PTCHD4: variants seen among roughly 807,000 people sequenced by gnomAD.
PTCHD4 encodes patched domain-containing protein 4.
In PTCHD4, 33 loss-of-function variants were observed where a neutral mutation model predicts 58.1. The observed-to-expected ratio is 0.57, with a 90% CI of 0.43 to 0.76. The LOEUF is 0.76. PTCHD4 is among the 30% of genes least tolerant of loss of function. The probability of loss-of-function intolerance (pLI) is 0.00; values close to 1 mark genes in which losing one functional copy is unlikely to be tolerated. For missense variants in PTCHD4, 1,058 were observed against 1,027.1 expected, an observed-to-expected ratio of 1.03 and a Z score of -0.41; for synonymous variants, 478 against 409.6, an observed-to-expected ratio of 1.17 and a Z score of -2.02.
At chr6:47,885,795 G>A (rs1294304173) in intron 4 of PTCHD4, among the ~76,000 whole-genome samples, 1 of 152,132 alleles carries the variant, frequency 6.6e-6, no homozygotes, top group African/African-American at 2.4e-5. Flanking sequence ...CTCTGGTGAC[G>A]TAGTTAGGCC....
Position 47,877,547 on chromosome 6 carries a change from T to C in PTCHD4, c.*756A>G, listed in dbSNP as rs1282042838. ...AAAGTCTAGATGACTGCTGACATGA[T>C]ATGCATAATCTAATGAACTCACATC... On this transcript the variant is annotated 3_prime_UTR_variant, in exon 5 of 5. Transcript: ENST00000339488. 1.3e-5 allele frequency among the ~76,000 whole-genome samples: 2 copies of C among 152,086 alleles called. No individual in the cohort carries two copies. The highest frequency in any genetic ancestry group is 2.9e-5 in the Non-Finnish European group (2 of 67,978).
intron 4 of PTCHD4, among the ~76,000 whole-genome samples, chr6:47,969,672 T>C (rs543739783): frequency 6.6e-5 from 10 of 152,292 alleles, no homozygotes; most frequent in South Asian, 6.2e-4. Flanking sequence ...AAATATTCTT[T>C]TAGGGGGCTT....
rs1764662428 is a variant in PTCHD4 at position 48,062,435 on chromosome 6, G to A, written c.417+5795C>T. On this transcript the variant is annotated intron_variant, in intron 3 of 4. Coordinates refer to ENST00000339488, the MANE Select transcript of PTCHD4 (RefSeq NM_001384253.1). ...AAGATAAGTAAATGGGAAGAAGAATGGAGAGAACGCTTTCTATCCCCACCC... is the reference window on the plus strand; with the variant it reads ...AAGATAAGTAAATGGGAAGAAGAATAGAGAGAACGCTTTCTATCCCCACCC... 5.3e-5 allele frequency among the ~76,000 whole-genome samples: 8 copies of A among 152,048 alleles called. No individual in the cohort carries two copies. The South Asian group carries it at 1.2e-3, about 24-fold the overall frequency.
intron 4 of PTCHD4, among the ~76,000 whole-genome samples, chr6:47,921,187 C>T (rs1394239491): frequency 6.6e-6 from 1 of 152,162 alleles, no homozygotes; most frequent in African/African-American, 2.4e-5. Flanking sequence ...ATTATTAACT[C>T]TGACACTTTT....
At chr6:48,019,526 G>A (rs1448986979) in intron 3 of PTCHD4, among the ~76,000 whole-genome samples, 1 of 152,152 alleles carries the variant, frequency 6.6e-6, no homozygotes, top group Non-Finnish European at 1.5e-5. Context: ...TATGAAGTCA[G>A]GAGATTGAGA....
chr6:47,880,828 G>T (rs1221483702), intron 4 of PTCHD4, among the ~76,000 whole-genome samples: 1 of 152,174 alleles, frequency 6.6e-6, no homozygotes, highest in Non-Finnish European at 1.5e-5. Context: ...GAATTTCATA[G>T]CTCTTAAGAT....
intron 4 of PTCHD4, among the ~76,000 whole-genome samples, chr6:47,918,076 C>T (rs1765315254): frequency 6.6e-6 from 1 of 152,002 alleles, no homozygotes; most frequent in African/African-American, 2.4e-5. Flanking sequence ...AGACTCAACA[C>T]AGATGTTATC....
At chr6:48,047,993 T>A (rs1386680017) in intron 3 of PTCHD4, among the ~76,000 whole-genome samples, 5 of 146,818 alleles carry the variant, frequency 3.4e-5, no homozygotes, top group African/African-American at 1.3e-4. Flanking sequence ...TATTGTGTCC[T>A]TAAGATATAA....
At position 48,068,953 on chromosome 6, in the gene PTCHD4, C is replaced by T. The variant is rs1382070691; in HGVS notation, c.5G>A (p.Arg2Gln). The change falls in exon 2 of 5, where the codon CGA becomes CAA. Residue 2 changes from arginine to glutamine, a missense_variant and splice_region_variant. By Grantham distance (43) the Arg-to-Gln change is conservative (BLOSUM62 1). Coordinates refer to ENST00000339488, the MANE Select transcript of PTCHD4 (RefSeq NM_001384253.1). The surrounding 1 kb of genome is among the most constrained non-coding windows in gnomAD (Gnocchi z 4.2). MRRPGAPASWIW... is the reference protein window; with the variant it reads MQRPGAPASWIW... ...CGCCGCCTCCCGCGCTGGCTCTCACCGCATGAGCAGCGTTCCCTCGGTCTA... is the reference window on the plus strand; with the variant it reads ...CGCCGCCTCCCGCGCTGGCTCTCACTGCATGAGCAGCGTTCCCTCGGTCTA... Among the ~76,000 whole-genome samples, 6 of 151,574 alleles carry T rather than the reference C, an allele frequency of 4.0e-5. No homozygotes were observed. Among genetic ancestry groups the T allele is most frequent in the Non-Finnish European group, 8.8e-5 (6 of 67,878 alleles).
rs935482413 is a variant in PTCHD4, at chr6:47,856,712, C to T, written c.*21591G>A. ...ACTTTAATTAGAAAACCAGACTCCT[C>T]TGATTATAAAAATTACACAAGCTAA... On this transcript the variant is annotated 3_prime_UTR_variant, in exon 5 of 5. Transcript: ENST00000339488. Among the ~76,000 whole-genome samples, 1 of 151,928 alleles carries T rather than the reference C, an allele frequency of 6.6e-6. No individual in the cohort carries two copies. The highest frequency in any genetic ancestry group is 1.5e-5 in the Non-Finnish European group (1 of 67,982).
At chr6:48,026,685 C>T (rs970219870) in intron 3 of PTCHD4, among the ~76,000 whole-genome samples, 5 of 152,066 alleles carry the variant, frequency 3.3e-5, no homozygotes, top group Non-Finnish European at 5.9e-5. Context: ...CAAAAACAAC[C>T]ACTTGAGACT....
chr6:47,982,596 C>G (rs1452635155), intron 4 of PTCHD4, among the ~76,000 whole-genome samples: 1 of 150,626 alleles, frequency 6.6e-6, no homozygotes, highest in Non-Finnish European at 1.5e-5. Context: ...TCACGCCATT[C>G]TCCTGCCTCA....
chr6:47,925,869 C>T (rs866013506), intron 4 of PTCHD4, among the ~76,000 whole-genome samples: 2 of 152,142 alleles, frequency 1.3e-5, no homozygotes, highest in Non-Finnish European at 2.9e-5. Flanking sequence ...CATTCTTCAA[C>T]TGAGTACAGA....
chr6:48,039,980 A>T (rs1159025621), intron 3 of PTCHD4, among the ~76,000 whole-genome samples: 1 of 152,146 alleles, frequency 6.6e-6, no homozygotes, highest in Non-Finnish European at 1.5e-5. Flanking sequence ...TGATTCAATA[A>T]GTCTGAGATG....
intron 4 of PTCHD4, among the ~76,000 whole-genome samples, chr6:47,914,386 T>C (rs1382522023): frequency 6.6e-6 from 1 of 152,090 alleles, no homozygotes; most frequent in African/African-American, 2.4e-5. Flanking sequence ...TCAATGTGGA[T>C]GGGCCTTATC....
At chr6:47,961,908 A>G (rs544380812) in intron 4 of PTCHD4, among the ~76,000 whole-genome samples, 6 of 152,240 alleles carry the variant, frequency 3.9e-5, no homozygotes, top group Non-Finnish European at 7.4e-5. Flanking sequence ...GAAAGGAAAC[A>G]ATAATCTGGA....
At chr6:47,902,294 A>C (rs571353604) in intron 4 of PTCHD4, among the ~76,000 whole-genome samples, 2 of 152,206 alleles carry the variant, frequency 1.3e-5, no homozygotes, top group Non-Finnish European at 2.9e-5. Context: ...GGAGATTCAG[A>C]TACATTCTAT....
rs993056233 is a variant in PTCHD4, at chr6:47,875,180, C to A, written c.*3123G>T. On this transcript the variant is annotated 3_prime_UTR_variant, in exon 5 of 5. Coordinates refer to ENST00000339488, the MANE Select transcript of PTCHD4 (RefSeq NM_001384253.1). ...AACATATTTCCCACAAATTTCTTCTCTTCTAGGAGTTGATTGGTCATCTGC... is the reference window on the plus strand; with the variant it reads ...AACATATTTCCCACAAATTTCTTCTATTCTAGGAGTTGATTGGTCATCTGC... 1.2e-4 allele frequency among the ~76,000 whole-genome samples: 18 copies of A among 151,996 alleles called. No individual in the cohort carries two copies. The highest frequency in any genetic ancestry group is 4.1e-4 in the African/African-American group (17 of 41,526).
At chr6:48,086,471 C>A (rs1386523566) in intron 1 of PTCHD4, among the ~76,000 whole-genome samples, 8 of 150,286 alleles carry the variant, frequency 5.3e-5, no homozygotes, top group South Asian at 2.1e-4. Context: ...AAAAAAAAAT[C>A]AAAAAAATTC....
Sources: allele counts gnomAD v4.1 joint callset (sites outside exome capture counted in the v4.1 genomes callset), GRCh38; gene constraint gnomAD v4.1.1; non-coding constraint Gnocchi (gnomAD v3.1); transcripts MANE v1.5; gene names NCBI Gene and HGNC (gene_info 2026-07-23, HGNC 2026-07-21).